Variants in DUSP10 observed in about 807,000 individuals in gnomAD.
DUSP10 encodes the protein dual specificity protein phosphatase 10.
Under a neutral mutation model 30.8 loss-of-function variants are expected in DUSP10, and 14 were observed. The ratio of observed to expected loss-of-function variants is 0.46; its 90% CI spans 0.30 to 0.71. The LOEUF (loss-of-function observed/expected upper bound fraction) is 0.71, where lower values mean the gene tolerates loss of function less well. Ranked by LOEUF, DUSP10 falls within the 30% of genes least tolerant of loss-of-function variation. The pLI, the probability that DUSP10 is intolerant of heterozygous loss-of-function variation, is 0.08. For missense variants in DUSP10, 550 were observed against 619.4 expected, an observed-to-expected ratio of 0.89 and a Z score of 1.19; for synonymous variants, 254 against 250.4, an observed-to-expected ratio of 1.01 and a Z score of -0.14.
At chr1:221,705,132 A>G (rs1402038769) in intron 3 of DUSP10, among the ~76,000 whole-genome samples, 6 of 147,880 alleles carry the variant, frequency 4.1e-5, no homozygotes, top group Non-Finnish European at 6.0e-5. Context: ...TTTTTGAGAC[A>G]GAGTTTCACT....
At chr1:221,710,234 G>A (rs573516544) in intron 2 of DUSP10, among the ~76,000 whole-genome samples, 6 of 152,226 alleles carry the variant, frequency 3.9e-5, no homozygotes, top group East Asian at 3.9e-4. Flanking sequence ...CTATGCACAC[G>A]CATAGTCCAT....
chr1:221,737,294 A>G, intron 2 of DUSP10: 1 of 985,444 alleles, frequency 1.0e-6, no homozygotes, highest in Non-Finnish European at 1.2e-6. Flanking sequence ...AGAGGAGATC[A>G]TCATGATCAT....
At chr1:221,725,170 C>A (rs1661389990) in intron 2 of DUSP10, among the ~76,000 whole-genome samples, 1 of 152,126 alleles carries the variant, frequency 6.6e-6, no homozygotes, top group African/African-American at 2.4e-5. Context: ...TAGCTGCACC[C>A]AGCCAATCAC....
rs1464416733 is a variant in DUSP10 at position 221,702,579 on chromosome 1, G to A, written c.1282C>T (p.Arg428Trp). The A allele has an allele frequency of 8.7e-6, 14 of 1,614,114 alleles. No homozygotes were observed. The highest frequency in any genetic ancestry group is 4.4e-5 in the South Asian group (4 of 91,076). Residue 428 changes from arginine (R) to tryptophan (W), a missense_variant, in exon 4 of 4, where the codon CGG (arginine) becomes TGG (tryptophan). Coordinates refer to ENST00000366899, the MANE Select transcript of DUSP10 (RefSeq NM_007207.6). This position sits in a 1 kb window ranked among gnomAD's most constrained non-coding sequence, Gnocchi z 4.5. The part of the protein sequence containing the change: ...IVIAYLMKHT[R>W]MTMTDAYKFV... ...TTATAAGCATCAGTCATGGTCATCC[G>A]AGTGTGCTTCATCAAGTAAGCGATG... is the stretch of plus-strand genomic sequence containing the variant.
At chr1:221,729,645 G>A (rs942361725) in intron 2 of DUSP10, among the ~76,000 whole-genome samples, 1 of 152,134 alleles carries the variant, frequency 6.6e-6, no homozygotes, top group Non-Finnish European at 1.5e-5. Flanking sequence ...GCATTCAATA[G>A]CTTTTAACTT....
At chr1:221,721,665 C>G (rs1329165776) in intron 2 of DUSP10, among the ~76,000 whole-genome samples, 2 of 152,106 alleles carry the variant, frequency 1.3e-5, no homozygotes, top group African/African-American at 4.8e-5. Context: ...CCTCTTACCC[C>G]TTTCTCCTCT....
In DUSP10 at chr1:221,706,190, T is replaced by C; in HGVS notation, c.1088A>G (p.Tyr363Cys). 1 of 1,614,030 alleles carries C rather than the reference T, an allele frequency of 6.2e-7. No individual in the cohort carries two copies. Among genetic ancestry groups the C allele is most frequent in the South Asian group, 1.1e-5 (1 of 91,078 alleles). ...CTTGTAGTTGAACAGGCCTTTCTCA[T>C]AGTGGTAGAGGGGAAGATGAGTGGT... is the stretch of plus-strand genomic sequence containing the variant. ...NVTTHLPLYH[Y>C]EKGLFNYKRL... is the part of the protein sequence containing the mutation. Residue 363 changes from tyrosine to cysteine, a missense_variant, in exon 3 of 4, where the codon TAT becomes TGT. Coordinates refer to ENST00000366899, the MANE Select transcript of DUSP10 (RefSeq NM_007207.6). The surrounding 1 kb of genome is among the most constrained non-coding windows in gnomAD (Gnocchi z 4.6).
rs191643493 is a variant in DUSP10, at chr1:221,734,918, C to A, written c.811+4016G>T. ...GACTTTTATTCCCTTCCCCACCCCA[C>A]CCCCGAAAAAAGGGCAGAAACAGAA... On this transcript the variant is annotated intron_variant, in intron 2 of 3. Coordinates refer to ENST00000366899, the MANE Select transcript of DUSP10 (RefSeq NM_007207.6). Among the ~76,000 whole-genome samples the A allele has an allele frequency of 5.2e-4, 79 of 152,140 alleles. No homozygotes were observed. In the Middle Eastern group the frequency reaches 0.014, roughly 26 times the overall value.
In DUSP10 at chr1:221,702,671, G is replaced by C; in HGVS notation, c.1190C>G (p.Ala397Gly). 6.2e-7 allele frequency: 1 copy of C among 1,613,224 alleles called. No homozygotes were observed. The highest frequency in any genetic ancestry group is 8.5e-7 in the Non-Finnish European group (1 of 1,179,378). ...GAGAAGCCCCTTCCCACACTGGTGA[G>C]CTTCCTCTGAAAAAAGGGAGAAAGA... ...FEEAFEFIEE[A>G]HQCGKGLLIH... The change falls in exon 4 of 4, where the codon GCT (alanine) becomes GGT (glycine). Residue 397 changes from alanine to glycine, a missense_variant. Physicochemically the swap from Ala to Gly is moderately conservative, Grantham distance 60. Coordinates refer to ENST00000366899, the MANE Select transcript of DUSP10 (RefSeq NM_007207.6). This position sits in a 1 kb window ranked among gnomAD's most constrained non-coding sequence, Gnocchi z 4.5.
At chr1:221,722,529 A>G (rs1661307168) in intron 2 of DUSP10, among the ~76,000 whole-genome samples, 3 of 152,232 alleles carry the variant, frequency 2.0e-5, no homozygotes, top group Non-Finnish European at 4.4e-5. Context: ...GGCCCATGTT[A>G]GGAAAAAACA....
chr1:221,740,969 C>T (rs576560021), intron 1 of DUSP10, among the ~76,000 whole-genome samples: 2 of 152,164 alleles, frequency 1.3e-5, no homozygotes. Flanking sequence ...CTCACCTAAA[C>T]GAACTTTAAG....
intron 2 of DUSP10, chr1:221,737,054 C>A: frequency 1.0e-6 from 1 of 985,386 alleles, no homozygotes; most frequent in Non-Finnish European, 1.2e-6. Context: ...GAGAGAGGAT[C>A]CTCACTTTCA....
chr1:221,731,588 G>T (rs1661591430), intron 2 of DUSP10, among the ~76,000 whole-genome samples: 1 of 150,700 alleles, frequency 6.6e-6, no homozygotes, highest in Admixed American at 6.6e-5. Flanking sequence ...TTTAGAAAAG[G>T]CTAGGCTATT....
In DUSP10 at chr1:221,706,467, C is replaced by T. The variant is rs753213682; in HGVS notation, c.812-1G>A. On this transcript the variant is annotated splice_acceptor_variant, in intron 2 of 3. Transcript: ENST00000366899. LOFTEE classifies it high-confidence loss of function. This position sits in a 1 kb window ranked among gnomAD's most constrained non-coding sequence, Gnocchi z 4.6. ...TTCTGCTTAAAACTACTAAGTCCAC[C>T]TAGAACACAAACACAGAAGGTGAGT... 6.7e-7 allele frequency: 1 copy of T among 1,501,074 alleles called. No homozygotes were observed. The highest frequency in any genetic ancestry group is 8.9e-7 in the Non-Finnish European group (1 of 1,123,744). 93.0% of individuals were successfully genotyped at this position (1,501,074 alleles called of 1,614,324 possible). A position where few individuals can be genotyped will look rare whatever the true frequency, so the allele number is the denominator to read the frequency against.
chr1:221,739,444 T>A lies in DUSP10; in HGVS notation c.301A>T (p.Thr101Ser). ...QAQTQAIAAG[T>S]TTTAIGTSTT... Reference sequence around the variant, plus strand: ...GAGGTTCCGATGGCAGTGGTGGTGGTGCCAGCGGCAATGGCTTGGGTTTGG... The same window carrying A: ...GAGGTTCCGATGGCAGTGGTGGTGGAGCCAGCGGCAATGGCTTGGGTTTGG... The change falls in exon 2 of 4, where the codon ACC becomes TCC. Residue 101 changes from threonine (T) to serine (S), a missense_variant. Physicochemically the swap from Thr to Ser is moderately conservative, Grantham distance 58 (BLOSUM62 1). Coordinates refer to ENST00000366899, the MANE Select transcript of DUSP10 (RefSeq NM_007207.6). 1 of 1,614,204 alleles carries A rather than the reference T, an allele frequency of 6.2e-7. No individual in the cohort carries two copies. Among genetic ancestry groups the A allele is most frequent in the East Asian group, 2.2e-5 (1 of 44,892 alleles).
At position 221,706,412 on chromosome 1, in the gene DUSP10, T is replaced by G. The variant is rs762412432; in HGVS notation, c.866A>C (p.Gln289Pro). Residue 289 changes from glutamine to proline, a missense_variant, in exon 3 of 4, where the codon CAG becomes CCG. Transcript: ENST00000366899. The surrounding 1 kb of genome is among the most constrained non-coding windows in gnomAD (Gnocchi z 4.6). ...CCCCACCTCCCGGCACTCTTGGAGC[T>G]GGAGGGAGTTGTCACAGAGGTTTTC... ...NHENLCDNSLQLQECREVGGG... is the reference protein window; with the variant it reads ...NHENLCDNSLPLQECREVGGG... 7 of 1,549,966 alleles carry G rather than the reference T, an allele frequency of 4.5e-6. No homozygotes were observed. Among genetic ancestry groups the G allele is most frequent in the South Asian group, 2.5e-5 (2 of 80,582 alleles).
intron 1 of DUSP10, among the ~76,000 whole-genome samples, chr1:221,740,864 A>G (rs1661934783): frequency 6.6e-6 from 1 of 152,180 alleles, no homozygotes; most frequent in Admixed American, 6.5e-5. Flanking sequence ...TTCCTCCTGT[A>G]GGCACAGGGG....
intron 2 of DUSP10, among the ~76,000 whole-genome samples, chr1:221,721,682 G>A (rs12027098): frequency 0.012 from 1,778 of 152,044 alleles, 51 homozygotes; most frequent in East Asian, 0.061. Flanking sequence ...CTCTCTCCTC[G>A]CCCCTACTTC....
In DUSP10 at chr1:221,706,838, T is replaced by A. The variant is rs1056162817; in HGVS notation, c.812-372A>T. Among the ~76,000 whole-genome samples the A allele has an allele frequency of 5.3e-5, 8 of 152,096 alleles. No homozygotes were observed. Among genetic ancestry groups the A allele is most frequent in the African/African-American group, 1.9e-4 (8 of 41,408 alleles). The stretch of plus-strand genomic sequence containing the variant: ...CAGTGGCCTACATAGAACCCTGTGC[T>A]TTGGGAGCCAAGAAAGGCACAGATG... On this transcript the variant is annotated intron_variant, in intron 2 of 3. Coordinates refer to ENST00000366899, the MANE Select transcript of DUSP10 (RefSeq NM_007207.6). This position sits in a 1 kb window ranked among gnomAD's most constrained non-coding sequence, Gnocchi z 4.6.
Sources: gnomAD v4.1 joint callset for allele counts (sites outside exome capture counted in the v4.1 genomes callset) on GRCh38, gnomAD v4.1.1 for gene constraint, Gnocchi (gnomAD v3.1) non-coding constraint, MANE v1.5 for transcripts, NCBI Gene and HGNC (gene_info 2026-07-23, HGNC 2026-07-21) for gene names.